PEMT: variants seen among roughly 807,000 people sequenced by gnomAD.
The protein encoded by PEMT is phospholipid methyltransferase.
A neutral mutation model predicts 27.4 loss-of-function variants in PEMT; 23 were observed. The ratio of observed to expected loss-of-function variants is 0.84; its 90% CI spans 0.60 to 1.19. The LOEUF (loss-of-function observed/expected upper bound fraction) is 1.19, where lower values mean the gene tolerates loss of function less well. Ranked by LOEUF, PEMT falls within the 50% of genes most tolerant of loss-of-function variation. The pLI is 0.00. For missense variants in PEMT, 307 were observed against 310.1 expected (o/e 0.99, Z 0.07); for synonymous variants, 137 against 139.1 (o/e 0.98, Z 0.11).
At chr17:17,570,463 A>G (rs1911115989) in intron 2 of PEMT, 1 of 967,486 alleles carries the variant, frequency 1.0e-6, no homozygotes, top group Non-Finnish European at 1.2e-6. Flanking sequence ...GGCCGGGGAC[A>G]TTGCTGGACA....
At chr17:17,510,377 C>T (rs1250775748) in intron 4 of PEMT, among the ~76,000 whole-genome samples, 1 of 152,224 alleles carries the variant, frequency 6.6e-6, no homozygotes, top group Admixed American at 6.5e-5. Flanking sequence ...TCCTCCCAGC[C>T]TTCTGTCCCC....
intron 1 of PEMT, among the ~76,000 whole-genome samples, chr17:17,577,695 T>C (rs1452582780): frequency 6.6e-6 from 1 of 150,450 alleles, no homozygotes; most frequent in Non-Finnish European, 1.5e-5. Flanking sequence ...CACGGCCCAT[T>C]CCTACAGCAG....
At chr17:17,543,318 G>A (rs1359874076) in intron 2 of PEMT, among the ~76,000 whole-genome samples, 1 of 152,234 alleles carries the variant, frequency 6.6e-6, no homozygotes, top group African/African-American at 2.4e-5. Context: ...GCATACGGCA[G>A]TGAATCCTGC....
At chr17:17,533,996 G>A (rs1367289106) in intron 2 of PEMT, among the ~76,000 whole-genome samples, 3 of 152,020 alleles carry the variant, frequency 2.0e-5, no homozygotes, top group Non-Finnish European at 4.4e-5. Context: ...CCTCGCAAGG[G>A]ATTACAGACA....
intron 2 of PEMT, among the ~76,000 whole-genome samples, chr17:17,530,261 C>T (rs1483828465): frequency 6.6e-6 from 1 of 152,118 alleles, no homozygotes; most frequent in East Asian, 1.9e-4. Context: ...TTTAGGTGGC[C>T]GAGGCGGGCG....
At position 17,505,806 on chromosome 17, in the gene PEMT, G is replaced by A; in HGVS notation, c.696C>T (p.Ser232=). ...AEIYRQKASG[S]HKRS ...TGCAGCTCAATCAGCTCCTCTTGTG[G>A]GACCCGGAGGCTTTCTGCCGGTAGA... Residue 232 remains serine (S), a synonymous_variant, in exon 7 of 7, where the codon TCC becomes TCT. Transcript: ENST00000255389. 6.2e-7 allele frequency: 1 copy of A among 1,611,416 alleles called. No individual in the cohort carries two copies. The highest frequency in any genetic ancestry group is 2.2e-5 in the East Asian group (1 of 44,778).
intron 3 of PEMT, chr17:17,517,862 C>G (rs1022170127): frequency 3.8e-6 from 2 of 527,914 alleles, no homozygotes; most frequent in Non-Finnish European, 4.9e-6. Context: ...TCCTCCAGGC[C>G]TTGGTCGTAA....
chr17:17,508,039 G>C (rs1211433194), intron 5 of PEMT: 1 of 152,750 alleles, frequency 6.5e-6, no homozygotes, highest in Non-Finnish European at 1.5e-5. Context: ...ATTCGTGCAG[G>C]AGGGAACACT....
At chr17:17,530,199 T>G (rs1279089630) in intron 2 of PEMT, among the ~76,000 whole-genome samples, 1 of 152,168 alleles carries the variant, frequency 6.6e-6, no homozygotes, top group African/African-American at 2.4e-5. Context: ...TTTTGCATAA[T>G]TAAGAGTAAG....
At chr17:17,562,954 CA>C (rs11356900) in intron 2 of PEMT, among the ~76,000 whole-genome samples, 17,044 of 152,144 alleles carry the variant, frequency 0.11, 1,561 homozygotes, top group African/African-American at 0.26. Context: ...AACCTGCATG[CA>C]GCCATCCTTT....
intron 2 of PEMT, among the ~76,000 whole-genome samples, chr17:17,528,972 G>A (rs1240124924): frequency 3.9e-5 from 6 of 152,210 alleles, no homozygotes; most frequent in Admixed American, 2.0e-4. Context: ...TCATGTGCAC[G>A]CCAAGTGCTG....
intron 2 of PEMT, among the ~76,000 whole-genome samples, chr17:17,538,700 TC>T (rs1327328864): frequency 6.6e-6 from 1 of 152,268 alleles, no homozygotes; most frequent in Non-Finnish European, 1.5e-5. Context: ...AAGTGTCTTT[TC>T]TTTTTACATA....
At chr17:17,529,205 G>A (rs530303844) in intron 2 of PEMT, among the ~76,000 whole-genome samples, 2 of 152,300 alleles carry the variant, frequency 1.3e-5, no homozygotes, top group East Asian at 1.9e-4. Context: ...AGGCCCAGCC[G>A]GCCCGGTGAC....
intron 5 of PEMT, chr17:17,507,327 G>A (rs929013865): frequency 1.4e-6 from 1 of 736,758 alleles, no homozygotes; most frequent in Non-Finnish European, 2.3e-6. Flanking sequence ...GGCTGCCCCT[G>A]TGCCAAGCTG....
chr17:17,532,635 C>G (rs918682539), intron 2 of PEMT, among the ~76,000 whole-genome samples: 1 of 152,198 alleles, frequency 6.6e-6, no homozygotes, highest in African/African-American at 2.4e-5. Context: ...TCTCAGCTGG[C>G]TTCTTTGTAA....
Position 17,576,995 on chromosome 17 carries a change from G to A in PEMT, c.129C>T (p.Gly43=). 2.5e-6 allele frequency: 4 copies of A among 1,614,020 alleles called. No homozygotes were observed. Among genetic ancestry groups the A allele is most frequent in the Non-Finnish European group, 1.7e-6 (2 of 1,179,980 alleles). ...ADFCVMTRLL[G]YVDPLDPSFV... ...AGCTGGGATCCAGGGGGTCCACGTA[G>A]CCCAGCAGCCGGGTCATAACGCAGA... Residue 43 remains glycine (G), a synonymous_variant, in exon 2 of 7, where the codon GGC becomes GGT. Coordinates refer to ENST00000255389, the MANE Select transcript of PEMT (RefSeq NM_148172.3).
At chr17:17,591,124 A>G (rs929149107) in intron 1 of PEMT, among the ~76,000 whole-genome samples, 2 of 152,116 alleles carry the variant, frequency 1.3e-5, no homozygotes, top group Non-Finnish European at 2.9e-5. Context: ...ACCCTCGCCC[A>G]CGCTCAGTCA....
At position 17,512,529 on chromosome 17, in the gene PEMT, C is replaced by A; in HGVS notation, c.446G>T (p.Gly149Val). Residue 149 changes from glycine (G) to valine (V), a missense_variant, in exon 4 of 7, where the codon GGG becomes GTG. Coordinates refer to ENST00000255389, the MANE Select transcript of PEMT (RefSeq NM_148172.3). The surrounding 1 kb of genome is among the most constrained non-coding windows in gnomAD (Gnocchi z 6.3). ...VLVLSSFFAL[G>V]FAGTFLGDYF... Reference sequence around the variant, plus strand: ...CTTACCTAGGAAAGTTCCAGCGAACCCCAGTGCAAAGAAGCTGGAGAGCAC... The same window carrying A: ...CTTACCTAGGAAAGTTCCAGCGAACACCAGTGCAAAGAAGCTGGAGAGCAC... 1 of 1,604,050 alleles carries A rather than the reference C, an allele frequency of 6.2e-7. No individual in the cohort carries two copies. Among genetic ancestry groups the A allele is most frequent in the Non-Finnish European group, 8.5e-7 (1 of 1,174,766 alleles).
chr17:17,516,375 C>G (rs1906837336), intron 3 of PEMT, among the ~76,000 whole-genome samples: 1 of 151,708 alleles, frequency 6.6e-6, no homozygotes, highest in Admixed American at 6.6e-5. Flanking sequence ...TGCACTAATT[C>G]TGAGCATTTG....
Sources: allele counts gnomAD v4.1 joint callset (sites outside exome capture counted in the v4.1 genomes callset), GRCh38; gene constraint gnomAD v4.1.1; non-coding constraint Gnocchi (gnomAD v3.1); transcripts MANE v1.5; gene names NCBI Gene and HGNC (gene_info 2026-07-23, HGNC 2026-07-21).